NRDE2: variants seen among roughly 807,000 people sequenced by gnomAD.
NRDE2 encodes nuclear exosome regulator NRDE2.
In NRDE2, 76 loss-of-function variants were observed where a neutral mutation model predicts 124.2. The ratio of observed to expected loss-of-function variants is 0.61; its 90% CI spans 0.51 to 0.74. The LOEUF (loss-of-function observed/expected upper bound fraction) is 0.74. Ranked by LOEUF, NRDE2 falls within the 30% of genes least tolerant of loss-of-function variation. The probability of loss-of-function intolerance (pLI) is 0.00; values close to 1 mark genes in which losing one functional copy is unlikely to be tolerated. For missense variants in NRDE2, 1,314 were observed against 1,417.3 expected, an observed-to-expected ratio of 0.93 and a Z score of 1.17; for synonymous variants, 489 against 528.1, an observed-to-expected ratio of 0.93 and a Z score of 1.01.
chr14:90,278,025 C>T lies in NRDE2; in HGVS notation c.*311G>A. ...CGTGCGGGGGCCAGTGCTGGCTGCG[C>T]ACAGGGAGAGAATGAGCAAGGACGC... is the stretch of plus-strand genomic sequence containing the variant. On this transcript the variant is annotated 3_prime_UTR_variant, in exon 14 of 14. Transcript: ENST00000354366. 1.2e-5 allele frequency: 3 copies of T among 241,104 alleles called. No individual in the cohort carries two copies. The highest frequency in any genetic ancestry group is 8.4e-6 in the Non-Finnish European group (1 of 118,536). The allele number at this position is 241,104 out of a possible 1,614,324, so 14.9% of individuals were successfully genotyped here.
chr14:90,304,709 A>G (rs1265630139), intron 4 of NRDE2: 4 of 219,926 alleles, frequency 1.8e-5, no homozygotes, highest in East Asian at 2.0e-4. Flanking sequence ...TTTGATCATC[A>G]CAGCCATATG....
intron 4 of NRDE2, among the ~76,000 whole-genome samples, chr14:90,307,444 G>A (rs1033676896): frequency 6.6e-5 from 9 of 137,352 alleles, no homozygotes; most frequent in African/African-American, 1.6e-4. Context: ...ATCAACTAAC[G>A]GCCAGGCGTG....
chr14:90,302,251 C>T (rs944358608), intron 6 of NRDE2, among the ~76,000 whole-genome samples: 2 of 152,190 alleles, frequency 1.3e-5, no homozygotes, highest in Admixed American at 6.5e-5. Context: ...CAGCCTCCAA[C>T]ATCTCATTAC....
In NRDE2 at chr14:90,278,423, C is replaced by A. The variant is rs747048338; in HGVS notation, c.3408G>T (p.Glu1136Asp). Residue 1136 changes from glutamate (E) to aspartate (D), a missense_variant, in exon 14 of 14, where the codon GAG becomes GAT. Coordinates refer to ENST00000354366, the MANE Select transcript of NRDE2 (RefSeq NM_017970.4). ...TCATCAGGTCCAGGATCTCCTGCAT[C>A]TCATCGGGGAAATACTCCACGGCGT... ...YLDAVEYFPD[E>D]MQEILDLMTE... 1 of 1,614,190 alleles carries A rather than the reference C, an allele frequency of 6.2e-7. No homozygotes were observed. The highest frequency in any genetic ancestry group is 8.5e-7 in the Non-Finnish European group (1 of 1,180,028).
intron 1 of NRDE2, among the ~76,000 whole-genome samples, chr14:90,323,246 C>T (rs1450421635): frequency 2.6e-5 from 4 of 152,140 alleles, no homozygotes; most frequent in African/African-American, 4.8e-5. Context: ...AGCTCAAATA[C>T]TTTTTATGAA....
At chr14:90,299,071 G>A (rs536745674) in intron 7 of NRDE2, among the ~76,000 whole-genome samples, 64 of 85,918 alleles carry the variant, frequency 7.4e-4, no homozygotes, top group African/African-American at 2.1e-3. Flanking sequence ...TTGAGACAGA[G>A]TCTCGCTCTT....
intron 4 of NRDE2, among the ~76,000 whole-genome samples, chr14:90,309,508 C>T (rs902158934): frequency 4.7e-5 from 7 of 150,006 alleles, no homozygotes; most frequent in Admixed American, 6.6e-5. Flanking sequence ...GAACCCTACA[C>T]TGTCTGTCTC....
chr14:90,289,029 C>A lies in NRDE2; in HGVS notation c.2346G>T (p.Leu782=), dbSNP rs142974465. ...KEPENCNNFC[L]WKQYAHLEWL... is the part of the protein sequence containing the mutation. Reference sequence around the variant, plus strand: ...ACTCCAGATGTGCATACTGCTTCCACAGGCAAAAGTTGTTGCAGTTTTCTG... The same window carrying A: ...ACTCCAGATGTGCATACTGCTTCCAAAGGCAAAAGTTGTTGCAGTTTTCTG... The change falls in exon 11 of 14, where the codon CTG becomes CTT. Residue 782 remains leucine, a synonymous_variant. Coordinates refer to ENST00000354366, the MANE Select transcript of NRDE2 (RefSeq NM_017970.4). 1.2e-6 allele frequency: 2 copies of A among 1,614,068 alleles called. No homozygotes were observed. The highest frequency in any genetic ancestry group is 1.7e-5 in the Admixed American group (1 of 60,010).
rs987072581 is a variant in NRDE2 at position 90,271,652 on chromosome 14, A to G, written c.*6684T>C. 3 of 152,102 alleles carry G rather than the reference A, an allele frequency of 2.0e-5. No homozygotes were observed. Among genetic ancestry groups the G allele is most frequent in the African/African-American group, 7.2e-5 (3 of 41,414 alleles). The allele number at this position is 152,102 out of a possible 1,614,324, so 9.4% of individuals were successfully genotyped here. On this transcript the variant is annotated 3_prime_UTR_variant, in exon 14 of 14. Coordinates refer to ENST00000354366, the MANE Select transcript of NRDE2 (RefSeq NM_017970.4). ...ATAATTTTGTTTATTTCCTAGGAAT[A>G]TTATTCTCTTTAACAAAAGTGGTGT...
rs1315866944 is a variant in NRDE2, at chr14:90,290,331, G to A, written c.2119C>T (p.Arg707Ter). 1.5e-5 allele frequency: 24 copies of A among 1,613,968 alleles called. No homozygotes were observed. The highest frequency in any genetic ancestry group is 4.4e-5 in the South Asian group (4 of 91,086). Reference protein sequence around the residue: ...GYPRWTRGQNREGEEFIRNVF... With the variant: ...GYPRWTRGQN ...TTGCGGATGAACTCCTCGCCCTCTC[G>A]GTTCTGACCCCTGGTCCAGCGAGGA... The change falls in exon 10 of 14, where the codon CGA (arginine) becomes TGA (stop). Residue 707 changes from arginine (R) to a stop codon, truncating the protein, a stop_gained. Coordinates refer to ENST00000354366, the MANE Select transcript of NRDE2 (RefSeq NM_017970.4). LOFTEE classifies it high-confidence loss of function.
intron 4 of NRDE2, among the ~76,000 whole-genome samples, chr14:90,309,290 C>A (rs554475231): frequency 1.3e-5 from 2 of 148,602 alleles, no homozygotes; most frequent in South Asian, 4.2e-4. Flanking sequence ...TAAATTTGGG[C>A]GAATTTTAGT....
Position 90,268,802 on chromosome 14 carries a change from G to C in NRDE2, c.*9534C>G, listed in dbSNP as rs1891585829. ...AAACTGCTATGAAAAAATATGATCT[G>C]TAACTTGGCTGATGGGAGCGTCTTA... is the stretch of plus-strand genomic sequence containing the variant. On this transcript the variant is annotated 3_prime_UTR_variant, in exon 14 of 14. Coordinates refer to ENST00000354366, the MANE Select transcript of NRDE2 (RefSeq NM_017970.4). 1 of 173,334 alleles carries C rather than the reference G, an allele frequency of 5.8e-6. No individual in the cohort carries two copies. Among genetic ancestry groups the C allele is most frequent in the Non-Finnish European group, 1.2e-5 (1 of 82,054 alleles). The allele number at this position is 173,334 out of a possible 1,614,324, so 10.7% of individuals were successfully genotyped here.
chr14:90,305,510 C>A (rs1214475116), intron 4 of NRDE2, among the ~76,000 whole-genome samples: 1 of 152,180 alleles, frequency 6.6e-6, no homozygotes, highest in African/African-American at 2.4e-5. Flanking sequence ...CAGCCAAACA[C>A]TGAAAGAGTC....
chr14:90,268,470 C>A lies in NRDE2; in HGVS notation c.*9866G>T. The A allele has an allele frequency of 6.5e-7, 1 of 1,545,268 alleles. No homozygotes were observed. The highest frequency in any genetic ancestry group is 8.9e-7 in the Non-Finnish European group (1 of 1,126,444). ...TAGTAGGGAACACCGCATAGCTCTT[C>A]TCTTGAGAATGAGCAATCTCAGGGG... On this transcript the variant is annotated 3_prime_UTR_variant, in exon 14 of 14. Transcript: ENST00000354366.
At position 90,331,854 on chromosome 14, in the gene NRDE2, C is replaced by G; in HGVS notation, c.51G>C (p.Gly17=). The part of the protein sequence containing the change: ...FAGLSEAPDG[G]SSRKELDWLS... ...TTGTGTGCTTACCTTTCCTGGAGCTCCCGCCATCGGGAGCCTCACTAAGCC... is the reference window on the plus strand; with the variant it reads ...TTGTGTGCTTACCTTTCCTGGAGCTGCCGCCATCGGGAGCCTCACTAAGCC... Residue 17 remains glycine, a synonymous_variant, in exon 1 of 14, where the codon GGG becomes GGC. Transcript: ENST00000354366. The G allele has an allele frequency of 6.2e-7, 1 of 1,614,134 alleles. No homozygotes were observed. Among genetic ancestry groups the G allele is most frequent in the Non-Finnish European group, 8.5e-7 (1 of 1,180,038 alleles).
rs138473064 is a variant in NRDE2 at position 90,286,037 on chromosome 14, A to G, written c.3297+317T>C. ...AAGGAAAGCTCTTAGACCATTTTGC[A>G]AGTTACCGACTTAAGTCAACTCAGA... On this transcript the variant is annotated intron_variant, in intron 12 of 13. Coordinates refer to ENST00000354366, the MANE Select transcript of NRDE2 (RefSeq NM_017970.4). Among the ~76,000 whole-genome samples the G allele has an allele frequency of 2.1e-3, 326 of 152,340 alleles. 3 individuals are homozygous for G. The highest frequency in any genetic ancestry group is 7.6e-3 in the African/African-American group (317 of 41,582).
At chr14:90,310,140 C>T (rs1884772577) in intron 4 of NRDE2, among the ~76,000 whole-genome samples, 1 of 152,196 alleles carries the variant, frequency 6.6e-6, no homozygotes, top group African/African-American at 2.4e-5. Context: ...GAGGCTCAGA[C>T]AGGTCAGGTG....
rs542041278 is a variant in NRDE2, at chr14:90,314,728, A to C, written c.407+1850T>G. Among the ~76,000 whole-genome samples, 21 of 152,318 alleles carry C rather than the reference A, an allele frequency of 1.4e-4. No homozygotes were observed. The South Asian group carries it at 4.3e-3, about 32-fold the overall frequency. On this transcript the variant is annotated intron_variant, in intron 3 of 13. Transcript: ENST00000354366. Reference sequence around the variant, plus strand: ...ATATTCATTCATTCATGTAACAAAAACAAATTCAGTGCTTACTCTGTAATG... The same window carrying C: ...ATATTCATTCATTCATGTAACAAAACCAAATTCAGTGCTTACTCTGTAATG...
chr14:90,308,152 C>T (rs1310756109), intron 4 of NRDE2, among the ~76,000 whole-genome samples: 1 of 152,148 alleles, frequency 6.6e-6, no homozygotes, highest in East Asian at 1.9e-4. Flanking sequence ...CATAAGCCAA[C>T]TATTTTATCT....
Sources: allele counts gnomAD v4.1 joint callset (sites outside exome capture counted in the v4.1 genomes callset), GRCh38; gene constraint gnomAD v4.1.1; transcripts MANE v1.5; gene names NCBI Gene and HGNC (gene_info 2026-07-23, HGNC 2026-07-21).